RYR2: variants seen among roughly 807,000 people sequenced by gnomAD.
RYR2 encodes cardiac muscle ryanodine receptor-calcium release channel.
RYR2 carries 227 observed loss-of-function variants against 601.1 expected under a neutral mutation model. That is an observed-to-expected ratio of 0.38 (90% CI 0.34 to 0.42). RYR2 has a LOEUF of 0.42. Ranked by LOEUF, RYR2 falls within the 10% of genes least tolerant of loss-of-function variation. RYR2 has a pLI of 1.00. For missense variants in RYR2, 4,646 were observed against 6,156.5 expected (o/e 0.75, Z 8.21); for synonymous variants, 2,223 against 2,175.1 (o/e 1.02, Z -0.61).
intron 27 of RYR2, among the ~76,000 whole-genome samples, chr1:237,560,890 A>G (rs554281234): frequency 9.2e-5 from 14 of 152,338 alleles, no homozygotes; most frequent in Admixed American, 2.6e-4. Flanking sequence ...CGTTGAGGTT[A>G]GAGACTCTGA....
chr1:237,518,480 T>C (rs1666779981), intron 24 of RYR2, among the ~76,000 whole-genome samples: 1 of 152,206 alleles, frequency 6.6e-6, no homozygotes, highest in Non-Finnish European at 1.5e-5. Context: ...GCACATTTTT[T>C]TAACACCCAC....
rs1046406129 is a variant in RYR2 at position 237,640,886 on chromosome 1, A to G, written c.7116-11A>G. On this transcript the variant is annotated splice_polypyrimidine_tract_variant and intron_variant, in intron 46 of 104. Coordinates refer to ENST00000366574, the MANE Select transcript of RYR2 (RefSeq NM_001035.3). Reference sequence around the variant, plus strand: ...ATTTGCTTTCTCTTTCTTTTGAAACATTCATGAAAGTGACACAGAGGAGGA... The same window carrying G: ...ATTTGCTTTCTCTTTCTTTTGAAACGTTCATGAAAGTGACACAGAGGAGGA... The G allele has an allele frequency of 6.2e-7, 1 of 1,607,886 alleles. No homozygotes were observed. The highest frequency in any genetic ancestry group is 8.5e-7 in the Non-Finnish European group (1 of 1,175,964).
chr1:237,130,925 C>A (rs1057499458), intron 1 of RYR2, among the ~76,000 whole-genome samples: 1 of 152,098 alleles, frequency 6.6e-6, no homozygotes, highest in African/African-American at 2.4e-5. Context: ...GAGAAAGTCT[C>A]ATCTCTGAGA....
rs557827402 is a variant in RYR2, at chr1:237,317,006, T to C, written c.169-13872T>C. Among the ~76,000 whole-genome samples, 19 of 152,270 alleles carry C rather than the reference T, an allele frequency of 1.2e-4. No homozygotes were observed. In the South Asian group the frequency reaches 3.7e-3, roughly 30 times the overall value. On this transcript the variant is annotated intron_variant, in intron 2 of 104. Coordinates refer to ENST00000366574, the MANE Select transcript of RYR2 (RefSeq NM_001035.3). ...AGGCATTTTCTAAATTTAGATCATT[T>C]CCATGACTATTGGAAAGAACCCTAC...
intron 1 of RYR2, among the ~76,000 whole-genome samples, chr1:237,114,686 G>GGCT (rs1360251098): frequency 6.6e-6 from 1 of 152,156 alleles, no homozygotes; most frequent in Non-Finnish European, 1.5e-5. Context: ...TGGGGGAAGG[G>GGCT]GCTGTAGCCT....
In RYR2 at chr1:237,523,429, A is replaced by G. The variant is rs148554447; in HGVS notation, c.2823-6998A>G. 5.3e-3 allele frequency among the ~76,000 whole-genome samples: 805 copies of G among 152,262 alleles called. 8 individuals carry two copies. The highest frequency in any genetic ancestry group is 0.018 in the African/African-American group (752 of 41,536). ...TAACTCAATAATAAGAATACACAAAACCTGATTTAAAAATTGGCAAAACAG... is the reference window on the plus strand; with the variant it reads ...TAACTCAATAATAAGAATACACAAAGCCTGATTTAAAAATTGGCAAAACAG... On this transcript the variant is annotated intron_variant, in intron 24 of 104. Transcript: ENST00000366574.
intron 1 of RYR2, among the ~76,000 whole-genome samples, chr1:237,073,625 C>T (rs1376448887): frequency 6.6e-6 from 1 of 152,088 alleles, no homozygotes; most frequent in East Asian, 1.9e-4. Flanking sequence ...TAATCCCACA[C>T]TTTGGGAGGC....
rs139155127 is a variant in RYR2, at chr1:237,509,260, T to C, written c.2719-2428T>C. Reference sequence around the variant, plus strand: ...CTCTCATCTAATGTATGATTTGCAGTCTGCTTCTTTTCCAAGACCTTCCCT... The same window carrying C: ...CTCTCATCTAATGTATGATTTGCAGCCTGCTTCTTTTCCAAGACCTTCCCT... On this transcript the variant is annotated intron_variant, in intron 23 of 104. Coordinates refer to ENST00000366574, the MANE Select transcript of RYR2 (RefSeq NM_001035.3). Among the ~76,000 whole-genome samples the C allele has an allele frequency of 4.9e-3, 748 of 152,294 alleles. 3 individuals carry two copies. The highest frequency in any genetic ancestry group is 7.7e-3 in the Non-Finnish European group (526 of 68,022).
intron 2 of RYR2, among the ~76,000 whole-genome samples, chr1:237,328,631 A>T (rs1030284868): frequency 1.3e-5 from 2 of 152,014 alleles, no homozygotes; most frequent in African/African-American, 2.4e-5. Flanking sequence ...AGAACAAAAC[A>T]TGGGAACCAG....
At chr1:237,748,643 G>A (rs1190534534) in intron 80 of RYR2, among the ~76,000 whole-genome samples, 1 of 152,150 alleles carries the variant, frequency 6.6e-6, no homozygotes, top group Non-Finnish European at 1.5e-5. Flanking sequence ...GTTGGGCTGG[G>A]GGGTCCTGGC....
At chr1:237,815,339 T>G (rs546712613) in intron 100 of RYR2, among the ~76,000 whole-genome samples, 1 of 152,348 alleles carries the variant, frequency 6.6e-6, no homozygotes, top group Admixed American at 6.5e-5. Context: ...GCTGAAAGCC[T>G]GACAGCCATG....
chr1:237,308,847 A>G (rs536236751), intron 2 of RYR2, among the ~76,000 whole-genome samples: 134 of 152,328 alleles, frequency 8.8e-4, no homozygotes, highest in Admixed American at 1.5e-3. Flanking sequence ...GGCCCCACCC[A>G]CATCCTGCTG....
intron 29 of RYR2, among the ~76,000 whole-genome samples, chr1:237,576,708 A>T (rs1229011479): frequency 6.6e-6 from 1 of 152,180 alleles, no homozygotes; most frequent in Non-Finnish European, 1.5e-5. Context: ...AAAAACAGTC[A>T]GGTATTAATG....
At chr1:237,042,830 C>G (rs968702574) in intron 1 of RYR2, among the ~76,000 whole-genome samples, 24 of 152,046 alleles carry the variant, frequency 1.6e-4, no homozygotes, top group Admixed American at 6.5e-5. Context: ...GGCGCCCGGG[C>G]TCGGACCCGG....
chr1:237,298,975 C>G (rs79633232), intron 2 of RYR2, among the ~76,000 whole-genome samples: 2 of 152,266 alleles, frequency 1.3e-5, no homozygotes, highest in East Asian at 3.9e-4. Context: ...GCCTGGGCGA[C>G]AAAGTGAGAC....
chr1:237,662,654 T>A (rs1329474752), intron 56 of RYR2, among the ~76,000 whole-genome samples: 2 of 152,188 alleles, frequency 1.3e-5, no homozygotes, highest in Non-Finnish European at 2.9e-5. Flanking sequence ...CACTCCTCTT[T>A]CTCTTTCTCC....
At chr1:237,130,305 G>A (rs1282785197) in intron 1 of RYR2, among the ~76,000 whole-genome samples, 4 of 152,150 alleles carry the variant, frequency 2.6e-5, no homozygotes, top group Admixed American at 2.0e-4. Context: ...AGCTAGCTAA[G>A]GGGTTATCCT....
intron 1 of RYR2, among the ~76,000 whole-genome samples, chr1:237,087,270 G>A (rs1210910879): frequency 2.6e-5 from 4 of 152,234 alleles, no homozygotes; most frequent in Admixed American, 1.3e-4. Context: ...CTTGGTTTTC[G>A]TGTGTGTTTG....
chr1:237,710,149 A>C (rs12068043), intron 70 of RYR2, among the ~76,000 whole-genome samples: 14,828 of 152,264 alleles, frequency 0.097, 706 homozygotes, highest in Middle Eastern at 0.13. Context: ...TTAAACCTGG[A>C]AAAGATTTTA....
Sources: gnomAD v4.1 joint callset for allele counts (sites outside exome capture counted in the v4.1 genomes callset) on GRCh38, gnomAD v4.1.1 for gene constraint, MANE v1.5 for transcripts, NCBI Gene and HGNC (gene_info 2026-07-23, HGNC 2026-07-21) for gene names.